Variants in IQGAP2 observed in about 807,000 individuals in gnomAD.
IQGAP2 encodes the protein IQ motif containing GTPase activating protein 2.
A neutral mutation model predicts 201.3 loss-of-function variants in IQGAP2; 173 were observed. The ratio of observed to expected loss-of-function variants is 0.86; its 90% CI spans 0.76 to 0.98. The LOEUF (loss-of-function observed/expected upper bound fraction) is 0.98. Ranked by LOEUF, IQGAP2 falls within the 50% of genes least tolerant of loss-of-function variation. IQGAP2 has a pLI of 0.00. For synonymous variants in IQGAP2, 675 were observed against 673.9 expected (o/e 1.00, Z -0.03); for missense variants, 1,687 against 1,864.8 (o/e 0.90, Z 1.76).
At chr5:76,493,058 AAC>A (rs1252578735) in intron 2 of IQGAP2, among the ~76,000 whole-genome samples, 2 of 152,150 alleles carry the variant, frequency 1.3e-5, no homozygotes, top group African/African-American at 4.8e-5. Flanking sequence ...CTAGTCACTT[AAC>A]CGGACATCTC....
intron 2 of IQGAP2, among the ~76,000 whole-genome samples, chr5:76,500,557 GA>G (rs1182014725): frequency 6.6e-6 from 1 of 152,160 alleles, no homozygotes; most frequent in Non-Finnish European, 1.5e-5. Flanking sequence ...ATATATGTAT[GA>G]ATTAAGGAAT....
intron 1 of IQGAP2, among the ~76,000 whole-genome samples, chr5:76,437,860 A>G (rs559609266): frequency 6.6e-6 from 1 of 152,344 alleles, no homozygotes; most frequent in East Asian, 1.9e-4. Flanking sequence ...TCTTTATAAC[A>G]GAATGATTTA....
At chr5:76,696,115 G>A (rs970396852) in intron 32 of IQGAP2, among the ~76,000 whole-genome samples, 1 of 152,064 alleles carries the variant, frequency 6.6e-6, no homozygotes, top group Non-Finnish European at 1.5e-5. Flanking sequence ...TGACTTTTAA[G>A]AGAAAACAAT....
At chr5:76,574,512 G>A (rs1325123402) in intron 4 of IQGAP2, among the ~76,000 whole-genome samples, 3 of 147,600 alleles carry the variant, frequency 2.0e-5, no homozygotes, top group Non-Finnish European at 3.0e-5. Context: ...TCAGGTGATC[G>A]CCTGCCTCAG....
chr5:76,506,626 T>C (rs1757619393), intron 2 of IQGAP2, among the ~76,000 whole-genome samples: 1 of 152,236 alleles, frequency 6.6e-6, no homozygotes, highest in South Asian at 2.1e-4. Flanking sequence ...TTTTGCTTTA[T>C]ACAAAAATGT....
chr5:76,673,351 C>T lies in IQGAP2; in HGVS notation c.3069-98C>T, dbSNP rs1030748050. ...TGTTACTGGAGTCAGTGGCAAAGTCCAATTCACTATACAAAGCTTGACTAT... is the reference window on the plus strand; with the variant it reads ...TGTTACTGGAGTCAGTGGCAAAGTCTAATTCACTATACAAAGCTTGACTAT... On this transcript the variant is annotated intron_variant, in intron 24 of 35. Coordinates refer to ENST00000274364, the MANE Select transcript of IQGAP2 (RefSeq NM_006633.5). 9.4e-6 allele frequency: 12 copies of T among 1,277,106 alleles called. No homozygotes were observed. In the African/African-American group the frequency reaches 1.0e-4, roughly 11 times the overall value. The allele number at this position is 1,277,106 out of a possible 1,614,324, so 79.1% of individuals were successfully genotyped here.
chr5:76,662,806 T>C (rs1419158284), intron 21 of IQGAP2, among the ~76,000 whole-genome samples: 1 of 152,176 alleles, frequency 6.6e-6, no homozygotes, highest in Non-Finnish European at 1.5e-5. Flanking sequence ...TATATATTGG[T>C]AAAACAAGGG....
intron 2 of IQGAP2, among the ~76,000 whole-genome samples, chr5:76,537,475 C>T (rs1221515658): frequency 4.6e-5 from 7 of 150,824 alleles, no homozygotes; most frequent in African/African-American, 1.7e-4. Context: ...CTGGTGCATT[C>T]TGTTCACAAC....
At chr5:76,552,571 C>T (rs1049779192) in intron 2 of IQGAP2, among the ~76,000 whole-genome samples, 1 of 152,230 alleles carries the variant, frequency 6.6e-6, no homozygotes, top group Non-Finnish European at 1.5e-5. Flanking sequence ...AAGGTTGTCA[C>T]TTACAAGCTC....
At chr5:76,617,632 A>G (rs1749112479) in intron 13 of IQGAP2, 2 of 1,613,602 alleles carry the variant, frequency 1.2e-6, no homozygotes, top group Admixed American at 3.3e-5. Context: ...GACATGAGAA[A>G]ATAAAGGAAT....
intron 30 of IQGAP2, among the ~76,000 whole-genome samples, chr5:76,688,192 G>A (rs937487572): frequency 1.3e-5 from 2 of 152,124 alleles, no homozygotes; most frequent in African/African-American, 4.8e-5. Flanking sequence ...GTTATGAAGT[G>A]GACAGACATG....
At chr5:76,551,722 C>G (rs186400641) in intron 2 of IQGAP2, among the ~76,000 whole-genome samples, 1 of 151,998 alleles carries the variant, frequency 6.6e-6, no homozygotes. Context: ...GGCGTGGCTG[C>G]GCGTGCCTGC....
intron 11 of IQGAP2, among the ~76,000 whole-genome samples, chr5:76,603,885 T>C (rs1747606268): frequency 6.6e-6 from 1 of 152,152 alleles, no homozygotes; most frequent in African/African-American, 2.4e-5. Flanking sequence ...TTGGGGAAAC[T>C]ACGGAATATT....
chr5:76,412,774 C>T (rs979018053), intron 1 of IQGAP2, among the ~76,000 whole-genome samples: 2 of 152,192 alleles, frequency 1.3e-5, no homozygotes, highest in African/African-American at 4.8e-5. Flanking sequence ...ATCTTGGCAG[C>T]TTTCAGATGC....
At chr5:76,676,773 G>T (rs1404291482) in intron 27 of IQGAP2, among the ~76,000 whole-genome samples, 1 of 152,200 alleles carries the variant, frequency 6.6e-6, no homozygotes, top group East Asian at 1.9e-4. Context: ...TCTGAAGGGT[G>T]ATTAGGGTGA....
chr5:76,654,412 T>C (rs1463968563), intron 19 of IQGAP2, 141 bp downstream of exon 19: 2 of 567,760 alleles, frequency 3.5e-6, no homozygotes, highest in Non-Finnish European at 6.1e-6. Context: ...CTTCATATGA[T>C]AATATTTGGA....
At chr5:76,513,367 G>A (rs561758479) in intron 2 of IQGAP2, among the ~76,000 whole-genome samples, 16 of 152,222 alleles carry the variant, frequency 1.1e-4, no homozygotes, top group Non-Finnish European at 1.8e-4. Context: ...AACCAGGTCT[G>A]TCTGCCACCA....
chr5:76,450,915 T>TA (rs1580217373), intron 1 of IQGAP2, among the ~76,000 whole-genome samples: 2 of 152,146 alleles, frequency 1.3e-5, no homozygotes, highest in Non-Finnish European at 2.9e-5. Context: ...TTTTTGGCAA[T>TA]CTTTTTTAAA....
chr5:76,545,420 T>G (rs932811821), intron 2 of IQGAP2, among the ~76,000 whole-genome samples: 3 of 152,150 alleles, frequency 2.0e-5, no homozygotes, highest in Non-Finnish European at 4.4e-5. Context: ...GTACACAGTA[T>G]CTCTGGGCAC....
Sources: gnomAD v4.1 joint callset for allele counts (sites outside exome capture counted in the v4.1 genomes callset) on GRCh38, gnomAD v4.1.1 for gene constraint, MANE v1.5 for transcripts, NCBI Gene and HGNC (gene_info 2026-07-23, HGNC 2026-07-21) for gene names.